SH3PXD2B: variants seen among roughly 807,000 people sequenced by gnomAD.
SH3PXD2B encodes the protein SH3 and PX domain-containing protein 2B.
In SH3PXD2B, 37 loss-of-function variants were observed where a neutral mutation model predicts 73.1. The ratio of observed to expected loss-of-function variants is 0.51; its 90% CI spans 0.39 to 0.67. The LOEUF (loss-of-function observed/expected upper bound fraction) is 0.67. SH3PXD2B is among the 30% of genes least tolerant of loss of function. The probability of loss-of-function intolerance (pLI) is 0.00; values close to 1 mark genes in which losing one functional copy is unlikely to be tolerated. For missense variants in SH3PXD2B, 1,053 were observed against 1,197.8 expected (o/e 0.88, Z 1.78); for synonymous variants, 457 against 480.5 (o/e 0.95, Z 0.64).
In SH3PXD2B at chr5:172,450,997, C is replaced by T. The variant is rs57273017; in HGVS notation, c.75+3281G>A. Among the ~76,000 whole-genome samples, 756 of 152,332 alleles carry T rather than the reference C, an allele frequency of 5.0e-3. 5 individuals carry two copies. The highest frequency in any genetic ancestry group is 0.017 in the African/African-American group (701 of 41,578). On this transcript the variant is annotated intron_variant, in intron 1 of 12. Coordinates refer to ENST00000311601, the MANE Select transcript of SH3PXD2B (RefSeq NM_001017995.3). ...CATCAGCCTCTCAGGATCTCACAGGCACCTGGAGCTTCTGGCCCTGCATTC... is the reference window on the plus strand; with the variant it reads ...CATCAGCCTCTCAGGATCTCACAGGTACCTGGAGCTTCTGGCCCTGCATTC...
At chr5:172,436,406 C>T (rs1291638972) in intron 1 of SH3PXD2B, among the ~76,000 whole-genome samples, 1 of 152,222 alleles carries the variant, frequency 6.6e-6, no homozygotes, top group Non-Finnish European at 1.5e-5. Flanking sequence ...GGCTCCTTCA[C>T]CGGCCACAGC....
chr5:172,339,760 G>C lies in SH3PXD2B; in HGVS notation c.1345C>G (p.Leu449Val). 6.2e-7 allele frequency: 1 copy of C among 1,613,238 alleles called. No individual in the cohort carries two copies. The highest frequency in any genetic ancestry group is 1.3e-5 in the African/African-American group (1 of 75,062). ...TTCTCCAGCGCTGCTGCTTCCCCCA[G>C]CCGGAGCTGGGTCACCTCGTGGGGC... ...PLPHEVTQLRLGEAAALENNT... is the reference protein window; with the variant it reads ...PLPHEVTQLRVGEAAALENNT... The change falls in exon 13 of 13, where the codon CTG (leucine) becomes GTG (valine). Residue 449 changes from leucine (L) to valine (V), a missense_variant. Leu to Val is a conservative substitution (Grantham distance 32, BLOSUM62 1). This residue lies in a region of SH3PXD2B where 466 missense variants were observed against 607.1 expected (regional missense o/e 0.77). Coordinates refer to ENST00000311601, the MANE Select transcript of SH3PXD2B (RefSeq NM_001017995.3). This position sits in a 1 kb window ranked among gnomAD's most constrained non-coding sequence, Gnocchi z 6.1.
In SH3PXD2B at chr5:172,339,688, C is replaced by T. The variant is rs776911752; in HGVS notation, c.1417G>A (p.Ala473Thr). 1.3e-5 allele frequency: 21 copies of T among 1,614,080 alleles called. No homozygotes were observed. The highest frequency in any genetic ancestry group is 7.7e-5 in the South Asian group (7 of 91,094). The change falls in exon 13 of 13, where the codon GCA becomes ACA. Residue 473 changes from alanine (A) to threonine (T), a missense_variant. Physicochemically the swap from Ala to Thr is moderately conservative, Grantham distance 58. Coordinates refer to ENST00000311601, the MANE Select transcript of SH3PXD2B (RefSeq NM_001017995.3). This position sits in a 1 kb window ranked among gnomAD's most constrained non-coding sequence, Gnocchi z 6.1. ...CCCGAGTCCATGACACCATGCGGTG[C>T]GTCAGGCAGGGGCCGGGAGGGGCCC... ...ATGPSRPLPD[A>T]PHGVMDSGLP...
intron 2 of SH3PXD2B, among the ~76,000 whole-genome samples, chr5:172,406,598 C>T (rs967271653): frequency 2.6e-5 from 4 of 152,144 alleles, no homozygotes; most frequent in African/African-American, 4.8e-5. Context: ...AGACCATTCC[C>T]GGCTTTCCTG....
chr5:172,424,277 A>C (rs1362246593), intron 1 of SH3PXD2B, among the ~76,000 whole-genome samples: 1 of 152,154 alleles, frequency 6.6e-6, no homozygotes, highest in Non-Finnish European at 1.5e-5. Flanking sequence ...GGCAGGAGAG[A>C]GATCTCTGAA....
chr5:172,370,168 C>T (rs1440508559), intron 6 of SH3PXD2B, among the ~76,000 whole-genome samples: 5 of 152,124 alleles, frequency 3.3e-5, no homozygotes, highest in Non-Finnish European at 7.3e-5. Context: ...CTCCAGGCAT[C>T]CTTATAAATT....
chr5:172,367,992 A>G (rs1377972360), intron 6 of SH3PXD2B, among the ~76,000 whole-genome samples: 1 of 152,192 alleles, frequency 6.6e-6, no homozygotes, highest in East Asian at 1.9e-4. Context: ...TGTTTAAGTC[A>G]CAATTATTTT....
rs978023864 is a variant in SH3PXD2B at position 172,454,481 on chromosome 5, A to AGCCGCCGCCGCC, written c.-141_-130dup. On this transcript the variant is annotated 5_prime_UTR_variant, in exon 1 of 13. Coordinates refer to ENST00000311601, the MANE Select transcript of SH3PXD2B (RefSeq NM_001017995.3). The stretch of plus-strand genomic sequence containing the variant: ...GCAATCGCAGCCGGGGCCGAGCACG[A>AGCCGCCGCCGCC]GCCGCCGCCGCCACCGCCGCCGCCC... 6.2e-6 allele frequency: 2 copies of AGCCGCCGCCGCC among 320,042 alleles called. No homozygotes were observed. The highest frequency in any genetic ancestry group is 4.6e-5 in the African/African-American group (2 of 43,066). The allele number at this position is 320,042 out of a possible 1,614,324, so 19.8% of individuals were successfully genotyped here. A position where few individuals can be genotyped will look rare whatever the true frequency, so the allele number is the denominator to read the frequency against.
intron 3 of SH3PXD2B, among the ~76,000 whole-genome samples, chr5:172,404,732 T>A (rs143987587): frequency 1.3e-5 from 2 of 152,334 alleles, no homozygotes; most frequent in African/African-American, 4.8e-5. Flanking sequence ...ATTTACAGAA[T>A]CATCATAACA....
At chr5:172,431,457 A>C (rs916110973) in intron 1 of SH3PXD2B, among the ~76,000 whole-genome samples, 2 of 152,212 alleles carry the variant, frequency 1.3e-5, no homozygotes, top group Non-Finnish European at 2.9e-5. Context: ...CGCCCACCGG[A>C]GGCTACTATG....
At position 172,336,735 on chromosome 5, in the gene SH3PXD2B, C is replaced by T. The variant is rs1013783522; in HGVS notation, c.*1634G>A. On this transcript the variant is annotated 3_prime_UTR_variant, in exon 13 of 13. Transcript: ENST00000311601. ...CAGGGCAGGGCAGGGCTGCCTCGGT[C>T]GGGTAGAATGGGAAGGGGTTCTGCT... 1.2e-5 allele frequency: 12 copies of T among 985,352 alleles called. No homozygotes were observed. The highest frequency in any genetic ancestry group is 6.2e-5 in the Admixed American group (1 of 16,244). The allele number at this position is 985,352 out of a possible 1,614,324, so 61.0% of individuals were successfully genotyped here. A position where few individuals can be genotyped will look rare whatever the true frequency, so the allele number is the denominator to read the frequency against.
intron 6 of SH3PXD2B, among the ~76,000 whole-genome samples, chr5:172,369,705 T>C (rs575920306): frequency 6.6e-6 from 1 of 151,804 alleles, no homozygotes; most frequent in East Asian, 1.9e-4. Context: ...GAGGTGGAGG[T>C]TGCAGTGAGC....
intron 4 of SH3PXD2B, among the ~76,000 whole-genome samples, chr5:172,389,743 C>T (rs1236030548): frequency 6.6e-6 from 1 of 151,936 alleles, no homozygotes; most frequent in African/African-American, 2.4e-5. Context: ...AAAAATAAAG[C>T]CTACTCCTCA....
At chr5:172,382,602 T>C (rs962350825) in intron 4 of SH3PXD2B, among the ~76,000 whole-genome samples, 1 of 152,084 alleles carries the variant, frequency 6.6e-6, no homozygotes, top group African/African-American at 2.4e-5. Flanking sequence ...TACACGCATA[T>C]ATTATAGGCA....
At chr5:172,392,266 G>T (rs1758207716) in intron 4 of SH3PXD2B, among the ~76,000 whole-genome samples, 1 of 152,080 alleles carries the variant, frequency 6.6e-6, no homozygotes, top group Non-Finnish European at 1.5e-5. Flanking sequence ...GACATAGAAA[G>T]GTACAGAAAA....
chr5:172,375,844 T>C (rs940952901), intron 5 of SH3PXD2B, among the ~76,000 whole-genome samples: 2 of 152,204 alleles, frequency 1.3e-5, no homozygotes, highest in African/African-American at 4.8e-5. Context: ...TATGGACATG[T>C]ATTTTTATTT....
intron 3 of SH3PXD2B, among the ~76,000 whole-genome samples, chr5:172,399,999 T>C (rs555106520): frequency 6.6e-6 from 1 of 152,326 alleles, no homozygotes; most frequent in Admixed American, 6.5e-5. Context: ...CTGCATTTAA[T>C]GTTACCACGG....
intron 5 of SH3PXD2B, among the ~76,000 whole-genome samples, chr5:172,377,997 G>A (rs911954030): frequency 1.3e-5 from 2 of 152,144 alleles, no homozygotes; most frequent in African/African-American, 2.4e-5. Flanking sequence ...CCTGTCCTGC[G>A]CTATTTCTAC....
At chr5:172,345,009 GAAGGAGGGA>G (rs998739461) in intron 12 of SH3PXD2B, among the ~76,000 whole-genome samples, 2 of 149,072 alleles carry the variant, frequency 1.3e-5, no homozygotes, top group African/African-American at 5.0e-5. Flanking sequence ...AGGAAAGAGA[GAAGGAGGGA>G]AAGGAGGGAG....
Sources: gnomAD v4.1 joint callset for allele counts (sites outside exome capture counted in the v4.1 genomes callset) on GRCh38, gnomAD v4.1.1 for gene constraint, gnomAD v4.1.1 regional missense constraint, Gnocchi (gnomAD v3.1) non-coding constraint, MANE v1.5 for transcripts, NCBI Gene and HGNC (gene_info 2026-07-23, HGNC 2026-07-21) for gene names.